CECR2: variants seen among roughly 807,000 people sequenced by gnomAD.
CECR2 encodes the protein CECR2 histone acetyl-lysine reader, also known as chromatin remodeling regulator CECR2.
Under a neutral mutation model 154.5 loss-of-function variants are expected in CECR2, and 30 were observed. The observed-to-expected ratio is 0.19, with a 90% CI of 0.15 to 0.26. CECR2 has a LOEUF of 0.26. Ranked by LOEUF, CECR2 falls within the 10% of genes least tolerant of loss-of-function variation. CECR2 has a pLI of 1.00. For synonymous variants in CECR2, 725 were observed against 683.7 expected (o/e 1.06, Z -0.94); for missense variants, 1,743 against 1,829.3 (o/e 0.95, Z 0.86).
intron 1 of CECR2, among the ~76,000 whole-genome samples, chr22:17,394,299 C>G (rs2053775772): frequency 6.8e-6 from 1 of 147,940 alleles, no homozygotes; most frequent in African/African-American, 2.5e-5. Flanking sequence ...AAACCCTGGG[C>G]TCAAACAGTC....
chr22:17,497,356 C>T, intron 2 of CECR2, 47 bp from the exon 3 acceptor site: 3 of 1,533,884 alleles, frequency 2.0e-6, no homozygotes, highest in Non-Finnish European at 2.6e-6. Context: ...TCCCAACCAA[C>T]CTATATTTTA....
At chr22:17,525,186 G>A (rs1186622545) in intron 9 of CECR2, among the ~76,000 whole-genome samples, 5 of 148,454 alleles carry the variant, frequency 3.4e-5, no homozygotes, top group Non-Finnish European at 7.4e-5. Context: ...TCAGGAGGCT[G>A]AGGCAGGAGA....
chr22:17,365,658 T>C (rs1174925952), upstream of CECR2, among the ~76,000 whole-genome samples: 4 of 152,092 alleles, frequency 2.6e-5, no homozygotes, highest in African/African-American at 9.7e-5. Flanking sequence ...ATGGCACCAC[T>C]GCACTCCAGC....
intron 1 of CECR2, among the ~76,000 whole-genome samples, chr22:17,465,873 C>T (rs2055024102): frequency 6.6e-6 from 1 of 152,136 alleles, no homozygotes; most frequent in African/African-American, 2.4e-5. Context: ...CCTACCTCGT[C>T]CTCCCAAATT....
At position 17,554,068 on chromosome 22, in the gene CECR2, G is replaced by A. The variant is rs1051685388; in HGVS notation, c.*1228G>A. The A allele has an allele frequency of 6.6e-6, 1 of 152,144 alleles. No homozygotes were observed. Among genetic ancestry groups the A allele is most frequent in the South Asian group, 2.1e-4 (1 of 4,828 alleles). 9.4% of individuals were successfully genotyped at this position (152,144 alleles called of 1,614,324 possible). A position where few individuals can be genotyped will look rare whatever the true frequency, so the allele number is the denominator to read the frequency against. On this transcript the variant is annotated 3_prime_UTR_variant, in exon 19 of 19. Coordinates refer to ENST00000262608, the MANE Select transcript of CECR2 (RefSeq NM_001290047.2). Reference sequence around the variant, plus strand: ...GATTTAAAATAGCTATCAAGAACAAGTTCTTGGAATTATCTGTTGTATCTG... The same window carrying A: ...GATTTAAAATAGCTATCAAGAACAAATTCTTGGAATTATCTGTTGTATCTG...
intron 1 of CECR2, among the ~76,000 whole-genome samples, chr22:17,450,948 T>C (rs2054759681): frequency 6.6e-6 from 1 of 152,240 alleles, no homozygotes; most frequent in Non-Finnish European, 1.5e-5. Context: ...TACTCACTGG[T>C]CCCTCTGCTT....
In CECR2 at chr22:17,404,262, C is replaced by A. The variant is rs117406661; in HGVS notation, c.126+34353C>A. On this transcript the variant is annotated intron_variant, in intron 1 of 18. Coordinates refer to ENST00000262608, the MANE Select transcript of CECR2 (RefSeq NM_001290047.2). The stretch of plus-strand genomic sequence containing the variant: ...TGACAGTGCGAGACTCTGTCCCCAT[C>A]CCCCCGACCCCCCTGCCAAAAAAAA... Among the ~76,000 whole-genome samples the A allele has an allele frequency of 8.9e-3, 1,051 of 117,708 alleles. 62 individuals are homozygous for A. The East Asian group carries it at 0.17, about 19-fold the overall frequency. 77.2% of individuals were successfully genotyped at this position (117,708 alleles called of 152,430 possible).
At chr22:17,400,078 G>C (rs566919834) in intron 1 of CECR2, among the ~76,000 whole-genome samples, 2 of 152,230 alleles carry the variant, frequency 1.3e-5, no homozygotes, top group East Asian at 1.9e-4. Flanking sequence ...AAAATCTGAA[G>C]TGCAGATTTG....
chr22:17,382,719 A>G (rs1199299684), intron 1 of CECR2, among the ~76,000 whole-genome samples: 3 of 151,370 alleles, frequency 2.0e-5, no homozygotes, highest in African/African-American at 7.3e-5. Flanking sequence ...AGCCTGGCCA[A>G]CATGGTGAAA....
intron 1 of CECR2, among the ~76,000 whole-genome samples, chr22:17,447,648 G>T (rs2054695922): frequency 7.9e-6 from 1 of 127,184 alleles, no homozygotes; most frequent in South Asian, 3.0e-4. Flanking sequence ...CATGCCCAGA[G>T]ACTTAAAAAA....
At chr22:17,375,804 A>G (rs1315683411) in intron 1 of CECR2, among the ~76,000 whole-genome samples, 2 of 151,994 alleles carry the variant, frequency 1.3e-5, no homozygotes, top group Non-Finnish European at 2.9e-5. Context: ...AAAGTACAAA[A>G]ATTAGCCAGG....
intron 9 of CECR2, among the ~76,000 whole-genome samples, chr22:17,533,729 T>C (rs1357369152): frequency 1.3e-5 from 2 of 151,902 alleles, no homozygotes; most frequent in Non-Finnish European, 2.9e-5. Context: ...TGTTTGTTTG[T>C]TTTTGAGATG....
At chr22:17,398,969 C>G (rs1214659094) in intron 1 of CECR2, among the ~76,000 whole-genome samples, 2 of 152,180 alleles carry the variant, frequency 1.3e-5, no homozygotes, top group African/African-American at 4.8e-5. Flanking sequence ...GGTCCTCAGA[C>G]CAGCATGGTG....
intron 3 of CECR2, among the ~76,000 whole-genome samples, chr22:17,499,097 C>A (rs915606709): frequency 6.6e-6 from 1 of 152,116 alleles, no homozygotes; most frequent in African/African-American, 2.4e-5. Flanking sequence ...TCAAGCGATT[C>A]TCCTGCCTCA....
At chr22:17,387,633 T>C (rs957625058) in intron 1 of CECR2, among the ~76,000 whole-genome samples, 2 of 152,170 alleles carry the variant, frequency 1.3e-5, no homozygotes, top group African/African-American at 4.8e-5. Flanking sequence ...GCACATAACA[T>C]GTTAAGTATC....
intron 2 of CECR2, among the ~76,000 whole-genome samples, chr22:17,496,266 G>A (rs1193384415): frequency 2.0e-4 from 31 of 152,100 alleles, no homozygotes; most frequent in Admixed American, 2.0e-3. Flanking sequence ...GTGAGGACGA[G>A]GCGGGTGGAT....
At chr22:17,480,727 TTC>T (rs1279016879) in intron 2 of CECR2, among the ~76,000 whole-genome samples, 1 of 152,066 alleles carries the variant, frequency 6.6e-6, no homozygotes, top group African/African-American at 2.4e-5. Context: ...GACTAAACTG[TTC>T]TATGCAGCTT....
intron 1 of CECR2, among the ~76,000 whole-genome samples, chr22:17,409,157 G>A (rs112303463): frequency 1.7e-4 from 25 of 150,956 alleles, no homozygotes; most frequent in Non-Finnish European, 3.2e-4. Flanking sequence ...TTTTTGAGAC[G>A]GAGTCTCACT....
chr22:17,481,406 T>C (rs2146809758), intron 2 of CECR2, among the ~76,000 whole-genome samples: 1 of 150,430 alleles, frequency 6.6e-6, no homozygotes, highest in East Asian at 2.0e-4. Flanking sequence ...ATCTATAAAA[T>C]GGAATTAGTG....
Sources: allele counts gnomAD v4.1 joint callset (sites outside exome capture counted in the v4.1 genomes callset), GRCh38; gene constraint gnomAD v4.1.1; transcripts MANE v1.5; gene names NCBI Gene and HGNC (gene_info 2026-07-23, HGNC 2026-07-21).